The following ULK4 variants were observed in gnomAD, a reference collection of about 807,000 sequenced individuals.
The protein encoded by ULK4 is inactive serine/threonine-protein kinase ULK4.
ULK4 carries 133 observed loss-of-function variants against 160.6 expected under a neutral mutation model. The observed-to-expected ratio is 0.83, with a 90% CI of 0.72 to 0.96. ULK4 has a LOEUF of 0.96. Among genes scored for constraint, ULK4 ranks in the 40% least tolerant of loss-of-function variants. ULK4 has a pLI of 0.00. For missense variants in ULK4, 1,580 were observed against 1,499.5 expected, an observed-to-expected ratio of 1.05 and a Z score of -0.89; for synonymous variants, 534 against 539.8, an observed-to-expected ratio of 0.99 and a Z score of 0.15.
At chr3:41,876,611 C>G (rs1265010799) in intron 17 of ULK4, among the ~76,000 whole-genome samples, 1 of 152,196 alleles carries the variant, frequency 6.6e-6, no homozygotes, top group Non-Finnish European at 1.5e-5. Flanking sequence ...AATGTGTGTG[C>G]AAGGCTTTTA....
At chr3:41,782,760 T>C (rs1467794016) in intron 21 of ULK4, among the ~76,000 whole-genome samples, 1 of 152,178 alleles carries the variant, frequency 6.6e-6, no homozygotes, top group African/African-American at 2.4e-5. Context: ...TATTTAAAAG[T>C]TTATCTTAAG....
In ULK4 at chr3:41,486,710, G is replaced by T. The variant is rs148957788; in HGVS notation, c.3227-23457C>A. Among the ~76,000 whole-genome samples, 627 of 152,266 alleles carry T rather than the reference G, an allele frequency of 4.1e-3. 6 individuals carry two copies. Among genetic ancestry groups the T allele is most frequent in the African/African-American group, 0.015 (605 of 41,556 alleles). On this transcript the variant is annotated intron_variant, in intron 32 of 36. Coordinates refer to ENST00000301831, the MANE Select transcript of ULK4 (RefSeq NM_017886.4). ...AGCTAGTAGTTATTGACAAAGTCCT[G>T]ACCAATTTGGGCCAATTTCTGCAGA...
At chr3:41,437,035 T>C (rs1489580751) in intron 34 of ULK4, among the ~76,000 whole-genome samples, 2 of 152,240 alleles carry the variant, frequency 1.3e-5, no homozygotes, top group Non-Finnish European at 2.9e-5. Context: ...CATATCTAGC[T>C]GCTTATTTTG....
intron 32 of ULK4, among the ~76,000 whole-genome samples, chr3:41,480,413 T>C (rs1171289457): frequency 3.3e-5 from 5 of 152,056 alleles, no homozygotes; most frequent in Admixed American, 1.3e-4. Flanking sequence ...CTGAACAACA[T>C]GGGTTTGAAC....
chr3:41,856,529 A>ATATG (rs1248634360), intron 17 of ULK4, among the ~76,000 whole-genome samples: 1 of 116,120 alleles, frequency 8.6e-6, no homozygotes, highest in Non-Finnish European at 1.6e-5. Context: ...ATATATATAT[A>ATATG]TATGTATGTA....
chr3:41,797,913 C>T, intron 20 of ULK4, among the ~76,000 whole-genome samples: 1 of 149,506 alleles, frequency 6.7e-6, no homozygotes. Context: ...GAAAACAAAA[C>T]AAAAGAAAAG....
chr3:41,325,537 G>C (rs1171833222), intron 35 of ULK4, among the ~76,000 whole-genome samples: 19 of 152,140 alleles, frequency 1.2e-4, no homozygotes, highest in Non-Finnish European at 1.5e-5. Flanking sequence ...TGGTTTCAAA[G>C]AGACTAAAAC....
At chr3:41,942,984 C>A (rs982010230) in intron 2 of ULK4, among the ~76,000 whole-genome samples, 1 of 151,932 alleles carries the variant, frequency 6.6e-6, no homozygotes, top group Non-Finnish European at 1.5e-5. Flanking sequence ...GAGGCCGAGG[C>A]GGGTGGATCA....
intron 35 of ULK4, among the ~76,000 whole-genome samples, chr3:41,353,733 TACTACTACTACTAC>T (rs2080969591): frequency 6.7e-6 from 1 of 149,250 alleles, no homozygotes; most frequent in Non-Finnish European, 1.5e-5. Flanking sequence ...CTACTACTAC[TACTACTACTACTAC>T]TACTAAAGCA....
At chr3:41,936,673 A>G (rs1699784859) in intron 3 of ULK4, among the ~76,000 whole-genome samples, 1 of 152,238 alleles carries the variant, frequency 6.6e-6, no homozygotes, top group African/African-American at 2.4e-5. Flanking sequence ...CAGAAAGACA[A>G]ACATCGCATG....
chr3:41,809,525 C>T (rs2040756167), intron 19 of ULK4, among the ~76,000 whole-genome samples: 1 of 152,062 alleles, frequency 6.6e-6, no homozygotes, highest in Non-Finnish European at 1.5e-5. Flanking sequence ...GTGTGTGGTG[C>T]TATGTTTAGT....
intron 11 of ULK4, among the ~76,000 whole-genome samples, chr3:41,910,504 G>A (rs1038126199): frequency 6.6e-6 from 1 of 152,008 alleles, no homozygotes; most frequent in African/African-American, 2.4e-5. Flanking sequence ...GCTGAGGCAG[G>A]AGAATTGCCT....
intron 27 of ULK4, among the ~76,000 whole-genome samples, chr3:41,690,222 A>G (rs1337241140): frequency 2.0e-5 from 3 of 150,782 alleles, no homozygotes; most frequent in Non-Finnish European, 3.0e-5. Flanking sequence ...ATTCTCACTC[A>G]TAGGTGGGAA....
chr3:41,553,864 C>T (rs1036758027), intron 32 of ULK4, among the ~76,000 whole-genome samples: 3 of 152,054 alleles, frequency 2.0e-5, no homozygotes, highest in Non-Finnish European at 4.4e-5. Context: ...TTTAAACATA[C>T]AATTAAATTA....
At chr3:41,836,244 T>A (rs1311582608) in intron 17 of ULK4, among the ~76,000 whole-genome samples, 1 of 152,026 alleles carries the variant, frequency 6.6e-6, no homozygotes, top group Non-Finnish European at 1.5e-5. Context: ...ATAATCTTGG[T>A]TAACTACAAC....
At chr3:41,875,085 T>C (rs1316367375) in intron 17 of ULK4, among the ~76,000 whole-genome samples, 1 of 152,150 alleles carries the variant, frequency 6.6e-6, no homozygotes, top group Non-Finnish European at 1.5e-5. Flanking sequence ...GAGGCTGAAG[T>C]GGGAGATCAG....
At chr3:41,933,960 C>G (rs993599187) in intron 4 of ULK4, among the ~76,000 whole-genome samples, 1 of 152,078 alleles carries the variant, frequency 6.6e-6, no homozygotes, top group Non-Finnish European at 1.5e-5. Flanking sequence ...ATCGCTTGAA[C>G]CTGGCATGCT....
chr3:41,307,340 G>A (rs1353948257), intron 35 of ULK4, among the ~76,000 whole-genome samples: 1 of 152,120 alleles, frequency 6.6e-6, no homozygotes, highest in African/African-American at 2.4e-5. Flanking sequence ...TAGATACCAG[G>A]GAGGGAAGCT....
At chr3:41,330,331 T>G (rs2080418437) in intron 35 of ULK4, among the ~76,000 whole-genome samples, 1 of 152,218 alleles carries the variant, frequency 6.6e-6, no homozygotes, top group Non-Finnish European at 1.5e-5. Flanking sequence ...TCTGACAATC[T>G]GAGCACTTCT....
Sources: allele counts gnomAD v4.1 joint callset (sites outside exome capture counted in the v4.1 genomes callset), GRCh38; gene constraint gnomAD v4.1.1; transcripts MANE v1.5; gene names NCBI Gene and HGNC (gene_info 2026-07-23, HGNC 2026-07-21).